The following PSD3 variants were observed in gnomAD, a reference collection of about 807,000 sequenced individuals.
The protein encoded by PSD3 is PH and SEC7 domain-containing protein 3.
A neutral mutation model predicts 105.5 loss-of-function variants in PSD3; 49 were observed. The ratio of observed to expected loss-of-function variants is 0.46; its 90% CI spans 0.37 to 0.59. PSD3 has a LOEUF of 0.59. Ranked by LOEUF, PSD3 falls within the 20% of genes least tolerant of loss-of-function variation. The pLI, the probability that PSD3 is intolerant of heterozygous loss-of-function variation, is 0.00. For synonymous variants in PSD3, 557 were observed against 457.8 expected, an observed-to-expected ratio of 1.22 and a Z score of -2.77; for missense variants, 1,561 against 1,263.8, an observed-to-expected ratio of 1.24 and a Z score of -3.57.
At chr8:18,659,146 C>T (rs73213646) in intron 9 of PSD3, among the ~76,000 whole-genome samples, 10,475 of 152,142 alleles carry the variant, frequency 0.069, 472 homozygotes, top group African/African-American at 0.13. Context: ...TAATGAAGGG[C>T]AGCACTGACC....
chr8:18,566,471 A>T lies in PSD3; in HGVS notation c.2784+6057T>A, dbSNP rs186392990. Among the ~76,000 whole-genome samples the T allele has an allele frequency of 1.8e-3, 277 of 151,236 alleles. 1 individual carries two copies. Among genetic ancestry groups the T allele is most frequent in the African/African-American group, 6.5e-3 (268 of 41,116 alleles). ...AACCCGGGAGGTGGGGATTGCAGTG[A>T]GCCGAGATCAAGCCACTGCACTCCA... On this transcript the variant is annotated intron_variant, in intron 14 of 15. Coordinates refer to ENST00000327040, the MANE Select transcript of PSD3 (RefSeq NM_015310.4).
chr8:18,643,016 G>T (rs1807765909), intron 10 of PSD3, among the ~76,000 whole-genome samples: 1 of 152,220 alleles, frequency 6.6e-6, no homozygotes, highest in Admixed American at 6.5e-5. Flanking sequence ...AGAGCCATAT[G>T]AGAGAGCTGT....
In PSD3 at chr8:18,673,805, A is replaced by G. The variant is rs757889301; in HGVS notation, c.2173-18120T>C. On this transcript the variant is annotated intron_variant, in intron 9 of 15. Transcript: ENST00000327040. ...CGACTGAGCCTAATTTCCTAAGTCC[A>G]AAACCTCTGGATTAAACTTATCAGA... Among the ~76,000 whole-genome samples the G allele has an allele frequency of 2.4e-4, 37 of 152,284 alleles. 1 individual carries two copies. Among genetic ancestry groups the G allele is most frequent in the Admixed American group, 1.0e-3 (16 of 15,292 alleles).
At chr8:19,025,348 G>C (rs1056544745) in intron 1 of PSD3, among the ~76,000 whole-genome samples, 2 of 152,034 alleles carry the variant, frequency 1.3e-5, no homozygotes, top group African/African-American at 4.8e-5. Context: ...AACCCATAAA[G>C]GTAGAAACTC....
At chr8:18,837,994 T>C (rs1297855635) in intron 4 of PSD3, among the ~76,000 whole-genome samples, 1 of 152,194 alleles carries the variant, frequency 6.6e-6, no homozygotes, top group Admixed American at 6.5e-5. Flanking sequence ...TAGAGGACTG[T>C]TGTAAATACC....
chr8:18,928,897 G>C (rs903885029), intron 2 of PSD3, among the ~76,000 whole-genome samples: 5 of 151,336 alleles, frequency 3.3e-5, no homozygotes, highest in African/African-American at 1.2e-4. Context: ...GCCCAGACTG[G>C]ACTTGAACTC....
chr8:18,651,038 G>A (rs1346957183), intron 10 of PSD3, among the ~76,000 whole-genome samples: 1 of 152,130 alleles, frequency 6.6e-6, no homozygotes, highest in Non-Finnish European at 1.5e-5. Context: ...GACTACGTAA[G>A]TACCTTTCAA....
intron 8 of PSD3, among the ~76,000 whole-genome samples, chr8:18,781,816 T>C (rs1359521162): frequency 6.6e-6 from 1 of 152,188 alleles, no homozygotes; most frequent in Non-Finnish European, 1.5e-5. Context: ...CCATCTGTTC[T>C]CTTCCAGGAA....
At chr8:18,901,274 A>G (rs1819485617) in intron 2 of PSD3, among the ~76,000 whole-genome samples, 1 of 152,186 alleles carries the variant, frequency 6.6e-6, no homozygotes, top group African/African-American at 2.4e-5. Flanking sequence ...ATATTTGAAT[A>G]TAAGTGGACC....
At chr8:18,594,922 G>C (rs1803979028) in intron 12 of PSD3, among the ~76,000 whole-genome samples, 1 of 151,834 alleles carries the variant, frequency 6.6e-6, no homozygotes. Flanking sequence ...ATCTCAGGTT[G>C]GTTGAATTCA....
chr8:18,842,252 T>G (rs1427799668), intron 4 of PSD3, among the ~76,000 whole-genome samples: 1 of 152,184 alleles, frequency 6.6e-6, no homozygotes, highest in Non-Finnish European at 1.5e-5. Context: ...TGAATTCCCA[T>G]AAACCCAAGG....
intron 1 of PSD3, among the ~76,000 whole-genome samples, chr8:19,053,348 C>G (rs1421067907): frequency 2.6e-5 from 4 of 152,122 alleles, no homozygotes; most frequent in African/African-American, 9.7e-5. Context: ...CCACTCCTCT[C>G]TTCTTGAAAG....
At chr8:18,722,960 G>A (rs1280975777) in intron 9 of PSD3, among the ~76,000 whole-genome samples, 2 of 152,150 alleles carry the variant, frequency 1.3e-5, no homozygotes, top group Non-Finnish European at 2.9e-5. Context: ...CATGTTATCA[G>A]TTTTGTTTCC....
intron 12 of PSD3, among the ~76,000 whole-genome samples, chr8:18,595,013 A>T (rs1803984911): frequency 6.6e-6 from 1 of 152,072 alleles, no homozygotes; most frequent in African/African-American, 2.4e-5. Context: ...AGTGGTGTGT[A>T]AATGACTTTT....
chr8:18,772,907 G>C lies in PSD3; in HGVS notation c.2083-7369C>G, dbSNP rs537897344. ...TTTGATTTTTAGATGTGGAAATATAGGAGTTCTTTACACAGTCCGATATTA... is the reference window on the plus strand; with the variant it reads ...TTTGATTTTTAGATGTGGAAATATACGAGTTCTTTACACAGTCCGATATTA... On this transcript the variant is annotated intron_variant, in intron 8 of 15. Transcript: ENST00000327040. Among the ~76,000 whole-genome samples the C allele has an allele frequency of 5.3e-5, 8 of 152,224 alleles. No individual in the cohort carries two copies. In the East Asian group the frequency reaches 1.4e-3, roughly 26 times the overall value.
intron 2 of PSD3, among the ~76,000 whole-genome samples, chr8:18,891,328 T>A (rs1408144520): frequency 6.6e-6 from 1 of 152,188 alleles, no homozygotes; most frequent in East Asian, 1.9e-4. Flanking sequence ...ACATAATACA[T>A]TAAAACAATA....
In PSD3 at chr8:18,635,274, C is replaced by A. The variant is rs528481919; in HGVS notation, c.2217-2468G>T. On this transcript the variant is annotated intron_variant, in intron 10 of 15. Transcript: ENST00000327040. ...GAAATCAACCACTTCTCCAAGGAGC[C>A]TTGGTTCTTCTTACTGGAGAACAGT... Among the ~76,000 whole-genome samples the A allele has an allele frequency of 2.6e-5, 4 of 152,202 alleles. No individual in the cohort carries two copies. In the East Asian group the frequency reaches 7.8e-4, roughly 29 times the overall value.
intron 2 of PSD3, among the ~76,000 whole-genome samples, chr8:18,904,033 G>C (rs1169007381): frequency 1.3e-5 from 2 of 152,162 alleles, no homozygotes; most frequent in Non-Finnish European, 2.9e-5. Context: ...AATTTATAAA[G>C]AAAAGAGGTT....
intron 1 of PSD3, among the ~76,000 whole-genome samples, chr8:19,009,303 G>GCT (rs1250408308): frequency 6.6e-6 from 1 of 152,186 alleles, no homozygotes; most frequent in Non-Finnish European, 1.5e-5. Flanking sequence ...GAGCCAAAGA[G>GCT]CTCAGTTTCT....
Sources: allele counts gnomAD v4.1 joint callset (sites outside exome capture counted in the v4.1 genomes callset), GRCh38; gene constraint gnomAD v4.1.1; transcripts MANE v1.5; gene names NCBI Gene and HGNC (gene_info 2026-07-23, HGNC 2026-07-21).